Variants in PPFIA2 observed in about 807,000 individuals in gnomAD.
PPFIA2 encodes the protein liprin-alpha-2.
Under a neutral mutation model 175.5 loss-of-function variants are expected in PPFIA2, and 46 were observed. The observed-to-expected ratio is 0.26, with a 90% CI of 0.21 to 0.34. The LOEUF is 0.34. Ranked by LOEUF, PPFIA2 falls within the 10% of genes least tolerant of loss-of-function variation. The probability of loss-of-function intolerance (pLI) is 1.00; values close to 1 mark genes in which losing one functional copy is unlikely to be tolerated. For missense variants in PPFIA2, 1,179 were observed against 1,506.1 expected (o/e 0.78, Z 3.60); for synonymous variants, 568 against 511.4 (o/e 1.11, Z -1.49).
At chr12:81,344,558 CT>C (rs34374483) in intron 19 of PPFIA2, 105 bp downstream of exon 19, 22 of 781,954 alleles carry the variant, frequency 2.8e-5, no homozygotes, top group Admixed American at 6.1e-5. Context: ...ATACTCTCAA[CT>C]TTTTAATGTT....
chr12:81,615,038 T>C (rs987142540), intron 4 of PPFIA2, among the ~76,000 whole-genome samples: 9 of 152,148 alleles, frequency 5.9e-5, no homozygotes, highest in African/African-American at 1.7e-4. Flanking sequence ...GTGCAGAATA[T>C]GAAAAAATAA....
rs558897953 is a variant in PPFIA2 at position 81,713,425 on chromosome 12, T to A, written c.250-36581A>T. Among the ~76,000 whole-genome samples, 364 of 151,330 alleles carry A rather than the reference T, an allele frequency of 2.4e-3. 3 individuals are homozygous for A. The highest frequency in any genetic ancestry group is 4.2e-3 in the Non-Finnish European group (285 of 67,880). On this transcript the variant is annotated intron_variant, in intron 3 of 32. Coordinates refer to ENST00000549396, the MANE Select transcript of PPFIA2 (RefSeq NM_003625.5). ...TAGTTAGATACAAAGTGCTTAATAA[T>A]TTCTATTGATAGGTCTCAAAGAGAA...
At chr12:81,572,279 T>A (rs533673945) in intron 4 of PPFIA2, among the ~76,000 whole-genome samples, 1 of 152,096 alleles carries the variant, frequency 6.6e-6, no homozygotes, top group Non-Finnish European at 1.5e-5. Flanking sequence ...AAAAGTCAAG[T>A]TCTCAGTAAG....
chr12:81,567,749 G>C (rs2071634060), intron 4 of PPFIA2, among the ~76,000 whole-genome samples: 1 of 152,194 alleles, frequency 6.6e-6, no homozygotes, highest in Non-Finnish European at 1.5e-5. Flanking sequence ...CAGGGCTTAT[G>C]TGTCTCTTCA....
chr12:81,633,425 C>T (rs765310453), intron 4 of PPFIA2, among the ~76,000 whole-genome samples: 14 of 151,936 alleles, frequency 9.2e-5, no homozygotes, highest in Non-Finnish European at 1.8e-4. Flanking sequence ...CATTTAGTTG[C>T]TGGCAATGTT....
chr12:81,473,088 T>C (rs2056977624), intron 4 of PPFIA2: 1 of 152,154 alleles, frequency 6.6e-6, no homozygotes, highest in African/African-American at 2.4e-5. Context: ...AGTATTGAAT[T>C]GCTACAGAAA....
intron 20 of PPFIA2, among the ~76,000 whole-genome samples, chr12:81,340,820 T>C (rs2057917281): frequency 6.6e-6 from 1 of 152,034 alleles, no homozygotes; most frequent in South Asian, 2.1e-4. Context: ...ATAGAAAATA[T>C]CCACTAAAAA....
intron 7 of PPFIA2, among the ~76,000 whole-genome samples, chr12:81,421,743 T>A (rs944878412): frequency 5.9e-5 from 9 of 151,988 alleles, no homozygotes; most frequent in African/African-American, 2.2e-4. Flanking sequence ...AGGCATAGCA[T>A]GGCTGAATGG....
chr12:81,663,009 A>C (rs1312012525), intron 4 of PPFIA2, among the ~76,000 whole-genome samples: 1 of 152,232 alleles, frequency 6.6e-6, no homozygotes, highest in Non-Finnish European at 1.5e-5. Flanking sequence ...ACAGCCCTTC[A>C]TGCTAAAAAC....
chr12:81,494,541 C>T (rs1024017374), intron 4 of PPFIA2, among the ~76,000 whole-genome samples: 98 of 151,258 alleles, frequency 6.5e-4, no homozygotes, highest in Middle Eastern at 3.4e-3. Context: ...TGTGGCGATT[C>T]CTCAGGGATC....
intron 3 of PPFIA2, among the ~76,000 whole-genome samples, chr12:81,705,333 G>A (rs1164029267): frequency 6.6e-6 from 1 of 150,680 alleles, no homozygotes; most frequent in Non-Finnish European, 1.5e-5. Context: ...GTGGGCGCCT[G>A]TAATCCCAGC....
At chr12:81,279,238 A>G (rs2041448316) in intron 27 of PPFIA2, 1 of 152,204 alleles carries the variant, frequency 6.6e-6, no homozygotes, top group Admixed American at 6.5e-5. Context: ...CAGCAAGCCC[A>G]GGAGAGAGGC....
chr12:81,365,623 A>G (rs2032953788), intron 14 of PPFIA2, among the ~76,000 whole-genome samples: 1 of 151,738 alleles, frequency 6.6e-6, no homozygotes, highest in African/African-American at 2.4e-5. Flanking sequence ...TGATTCATCA[A>G]ATCAATCATC....
At chr12:81,663,370 T>G (rs529594285) in intron 4 of PPFIA2, among the ~76,000 whole-genome samples, 1 of 152,092 alleles carries the variant, frequency 6.6e-6, no homozygotes, top group Non-Finnish European at 1.5e-5. Context: ...TCTGCAAAAA[T>G]CACAAACATT....
In PPFIA2 at chr12:81,750,955, T is replaced by C. The variant is rs533637053; in HGVS notation, c.249+3018A>G. Among the ~76,000 whole-genome samples the C allele has an allele frequency of 3.2e-4, 48 of 152,296 alleles. No individual in the cohort carries two copies. The South Asian group carries it at 6.8e-3, about 22-fold the overall frequency. ...TTATTTCTGCCCCAAAAGTCACATT[T>C]ATGGTAGTTATTTTCACCTTCCAGC... On this transcript the variant is annotated intron_variant, in intron 3 of 32. Transcript: ENST00000549396.
At chr12:81,276,392 C>T (rs1174708404) in intron 28 of PPFIA2, among the ~76,000 whole-genome samples, 1 of 152,122 alleles carries the variant, frequency 6.6e-6, no homozygotes, top group Non-Finnish European at 1.5e-5. Context: ...TGTAAGAAAA[C>T]CGCACTTGAA....
At chr12:81,350,346 C>A (rs2059801187) in intron 17 of PPFIA2, 1 of 152,228 alleles carries the variant, frequency 6.6e-6, no homozygotes, top group African/African-American at 2.4e-5. Flanking sequence ...CTAAGACCTG[C>A]AAATAAAGGT....
chr12:81,432,012 C>A (rs1171570324), intron 7 of PPFIA2, among the ~76,000 whole-genome samples: 2 of 152,138 alleles, frequency 1.3e-5, no homozygotes, highest in Non-Finnish European at 2.9e-5. Context: ...TGAATTCCTC[C>A]CTTTGGTAAT....
At chr12:81,459,697 A>G (rs2054189996) in intron 4 of PPFIA2, among the ~76,000 whole-genome samples, 1 of 152,208 alleles carries the variant, frequency 6.6e-6, no homozygotes, top group South Asian at 2.1e-4. Flanking sequence ...TGAAGATGTT[A>G]TAGGCCACAG....
Sources: allele counts gnomAD v4.1 joint callset (sites outside exome capture counted in the v4.1 genomes callset), GRCh38; gene constraint gnomAD v4.1.1; transcripts MANE v1.5; gene names NCBI Gene and HGNC (gene_info 2026-07-23, HGNC 2026-07-21).